S100A10: variants seen among roughly 807,000 people sequenced by gnomAD.
The protein encoded by S100A10 is S100 calcium binding protein A10.
In S100A10, 3 loss-of-function variants were observed where a neutral mutation model predicts 7.1. The ratio of observed to expected loss-of-function variants is 0.42; its 90% CI spans 0.19 to 1.10. The LOEUF (loss-of-function observed/expected upper bound fraction) is 1.10. Ranked by LOEUF, S100A10 falls within the 50% of genes least tolerant of loss-of-function variation. The pLI is 0.29. For synonymous variants in S100A10, 41 were observed against 39.3 expected (o/e 1.04, Z -0.16); for missense variants, 101 against 118.1 (o/e 0.86, Z 0.67).
At chr1:151,985,016 T>C (rs1033379377) in intron 2 of S100A10, 1 of 152,442 alleles carries the variant, frequency 6.6e-6, no homozygotes, top group Non-Finnish European at 1.5e-5. Flanking sequence ...GCAGTTAGGC[T>C]ATTTATATCT....
chr1:151,986,366 CATG>C, intron 1 of S100A10, 115 bp from the exon 2 acceptor site: 1 of 745,162 alleles, frequency 1.3e-6, no homozygotes, highest in Non-Finnish European at 2.1e-6. Context: ...ATGTGTACAA[CATG>C]ATGTTTTCAG....
At chr1:151,989,667 G>A (rs1255129885) in intron 1 of S100A10, among the ~76,000 whole-genome samples, 1 of 152,228 alleles carries the variant, frequency 6.6e-6, no homozygotes, top group Non-Finnish European at 1.5e-5. Flanking sequence ...TGCAGCCAAT[G>A]GTTGCCCAAC....
intron 1 of S100A10, among the ~76,000 whole-genome samples, chr1:151,987,448 C>A (rs1209977409): frequency 1.3e-5 from 2 of 151,914 alleles, no homozygotes; most frequent in African/African-American, 4.8e-5. Flanking sequence ...CTTCACCCTT[C>A]TAAGCTTAAA....
At chr1:151,988,922 A>T (rs1655850631) in intron 1 of S100A10, among the ~76,000 whole-genome samples, 1 of 152,230 alleles carries the variant, frequency 6.6e-6, no homozygotes, top group Admixed American at 6.5e-5. Context: ...CAGACACCAC[A>T]GAGGTTTAAA....
At chr1:151,991,936 T>C (rs1212105478) in intron 1 of S100A10, among the ~76,000 whole-genome samples, 2 of 152,022 alleles carry the variant, frequency 1.3e-5, no homozygotes, top group Non-Finnish European at 2.9e-5. Flanking sequence ...AGGAAGAGCA[T>C]CACCCAGAAA....
intron 2 of S100A10, 95 bp downstream of exon 2, chr1:151,986,004 C>T (rs1655780992): frequency 6.3e-6 from 7 of 1,108,474 alleles, no homozygotes; most frequent in Non-Finnish European, 8.8e-6. Context: ...GTGGTGACCT[C>T]CACAGGGAAG....
chr1:151,987,027 C>CCT (rs1402237382), intron 1 of S100A10, among the ~76,000 whole-genome samples: 2 of 83,526 alleles, frequency 2.4e-5, no homozygotes, highest in African/African-American at 4.8e-5. Context: ...CAGTGTTCCT[C>CCT]TTTTTTTTTT....
chr1:151,985,770 A>G (rs1180988802), intron 2 of S100A10, among the ~76,000 whole-genome samples: 1 of 152,176 alleles, frequency 6.6e-6, no homozygotes, highest in Non-Finnish European at 1.5e-5. Context: ...ACAGACACAG[A>G]TAACCCGATG....
chr1:151,988,257 A>G (rs758841976), intron 1 of S100A10, among the ~76,000 whole-genome samples: 3 of 152,250 alleles, frequency 2.0e-5, no homozygotes, highest in Non-Finnish European at 2.9e-5. Flanking sequence ...AATATCACCT[A>G]AAATCACTAC....
chr1:151,991,853 C>T (rs1655911999), intron 1 of S100A10, among the ~76,000 whole-genome samples: 1 of 152,168 alleles, frequency 6.6e-6, no homozygotes, highest in Non-Finnish European at 1.5e-5. Context: ...CCTGACCTCA[C>T]TGGAGTGGCT....
intron 2 of S100A10, chr1:151,984,035 G>C (rs1557772144): frequency 6.6e-6 from 1 of 152,246 alleles, no homozygotes; most frequent in Non-Finnish European, 1.5e-5. Context: ...GTATGGAACA[G>C]AGATGGGCAG....
At chr1:151,986,299 A>G in intron 1 of S100A10, 48 bp from the exon 2 acceptor site, 1 of 1,294,194 alleles carries the variant, frequency 7.7e-7, no homozygotes. Context: ...TTTTTTTGGC[A>G]GACTTTATGC....
chr1:151,986,077 T>C (rs755846703), intron 2 of S100A10, 22 bp downstream of exon 2: 12 of 1,571,908 alleles, frequency 7.6e-6, no homozygotes, highest in Non-Finnish European at 9.4e-6. Flanking sequence ...GTCTGGTTCT[T>C]TGTAAGCTTT....
chr1:151,983,130 CTT>C lies in S100A10; in HGVS notation c.*31_*32del, dbSNP rs567553020. 2,561 of 1,479,960 alleles carry C rather than the reference CTT, an allele frequency of 1.7e-3. 6 individuals carry two copies. Among genetic ancestry groups the C allele is most frequent in the Non-Finnish European group, 2.2e-3 (2,453 of 1,115,804 alleles). The allele number at this position is 1,479,960 out of a possible 1,614,324, so 91.7% of individuals were successfully genotyped here. A position where few individuals can be genotyped will look rare whatever the true frequency, so the allele number is the denominator to read the frequency against. On this transcript the variant is annotated 3_prime_UTR_variant, in exon 3 of 3. Coordinates refer to ENST00000368811, the MANE Select transcript of S100A10 (RefSeq NM_002966.3). The stretch of plus-strand genomic sequence containing the variant: ...CCTTAAGCGACCCTTTGGGACAACT[CTT>C]ATCAGGGAGGAGCGAACTGCTCATT...
Position 151,986,240 on chromosome 1 carries a change from G to T in S100A10, c.-10C>A. ...CCATTTGAGATGGCATTTTGGTGTG[G>T]TCCGTTGAAGCCTATTAAAGGATGT... On this transcript the variant is annotated 5_prime_UTR_variant, in exon 2 of 3. Coordinates refer to ENST00000368811, the MANE Select transcript of S100A10 (RefSeq NM_002966.3). 6.3e-7 allele frequency: 1 copy of T among 1,599,510 alleles called. No homozygotes were observed. The highest frequency in any genetic ancestry group is 8.5e-7 in the Non-Finnish European group (1 of 1,175,106).
rs867128165 is a variant in S100A10 at position 151,990,516 on chromosome 1, G to A, written c.-22+3236C>T. Among the ~76,000 whole-genome samples the A allele has an allele frequency of 2.6e-5, 4 of 152,192 alleles. No individual in the cohort carries two copies. The South Asian group carries it at 6.2e-4, about 24-fold the overall frequency. The stretch of plus-strand genomic sequence containing the variant: ...CTGAGCAACAGGTCTTAAGAAGGGA[G>A]GCGGAGACATCTTTCTCTGCATAGT... On this transcript the variant is annotated intron_variant, in intron 1 of 2. Coordinates refer to ENST00000368811, the MANE Select transcript of S100A10 (RefSeq NM_002966.3).
intron 2 of S100A10, 109 bp from the exon 3 acceptor site, chr1:151,983,433 C>T (rs1557771994): frequency 1.6e-6 from 1 of 614,818 alleles, no homozygotes; most frequent in Non-Finnish European, 2.5e-6. Flanking sequence ...ATTACTTGAG[C>T]TCTTGTTTTA....
intron 1 of S100A10, among the ~76,000 whole-genome samples, chr1:151,989,618 C>T (rs764884967): frequency 1.5e-4 from 23 of 152,232 alleles, no homozygotes; most frequent in Admixed American, 2.6e-4. Context: ...AAACTCTGTT[C>T]TCTTGGCTAG....
chr1:151,988,201 G>C (rs1251319001), intron 1 of S100A10, among the ~76,000 whole-genome samples: 1 of 152,200 alleles, frequency 6.6e-6, no homozygotes, highest in African/African-American at 2.4e-5. Context: ...GTGAATTTTG[G>C]CTTAATTGGA....
Sources: allele counts gnomAD v4.1 joint callset (sites outside exome capture counted in the v4.1 genomes callset), GRCh38; gene constraint gnomAD v4.1.1; transcripts MANE v1.5; gene names NCBI Gene and HGNC (gene_info 2026-07-23, HGNC 2026-07-21).